The following CDIP1 variants were observed in gnomAD, a reference collection of about 807,000 sequenced individuals.
The protein encoded by CDIP1 is cell death inducing p53 target 1, also known as cell death-inducing p53-target protein 1.
Under a neutral mutation model 17.7 loss-of-function variants are expected in CDIP1, and 9 were observed. That is an observed-to-expected ratio of 0.51 (90% CI 0.31 to 0.89). The LOEUF (loss-of-function observed/expected upper bound fraction) is 0.89, where lower values mean the gene tolerates loss of function less well. Among genes scored for constraint, CDIP1 ranks in the 40% least tolerant of loss-of-function variants. CDIP1 has a pLI of 0.05. For synonymous variants in CDIP1, 117 were observed against 109.5 expected (o/e 1.07, Z -0.43); for missense variants, 263 against 277.9 (o/e 0.95, Z 0.38).
chr16:4,517,090 C>T (rs1480392756), intron 1 of CDIP1, among the ~76,000 whole-genome samples: 2 of 152,110 alleles, frequency 1.3e-5, no homozygotes, highest in Non-Finnish European at 2.9e-5. Flanking sequence ...CCTCTGTCCA[C>T]CGCTCTTTCC....
intron 1 of CDIP1, among the ~76,000 whole-genome samples, chr16:4,524,734 T>A (rs2058982538): frequency 6.6e-6 from 1 of 152,214 alleles, no homozygotes; most frequent in Non-Finnish European, 1.5e-5. Context: ...ATCTTCCACA[T>A]GAGTAATAAA....
intron 1 of CDIP1, among the ~76,000 whole-genome samples, chr16:4,537,191 C>CA (rs1365526094): frequency 2.6e-5 from 4 of 152,044 alleles, no homozygotes; most frequent in Non-Finnish European, 4.4e-5. Context: ...TACTTTGACA[C>CA]AAAAAACAAG....
At chr16:4,526,525 C>G (rs1019471213) in intron 1 of CDIP1, among the ~76,000 whole-genome samples, 2 of 151,974 alleles carry the variant, frequency 1.3e-5, no homozygotes, top group East Asian at 1.9e-4. Flanking sequence ...TGGTGAAAAC[C>G]TGTCTCTACT....
At chr16:4,516,222 C>T (rs2059385419) in intron 1 of CDIP1, among the ~76,000 whole-genome samples, 1 of 152,104 alleles carries the variant, frequency 6.6e-6, no homozygotes. Flanking sequence ...TAGGCAAACC[C>T]ATAGAAACGG....
In CDIP1 at chr16:4,512,358, C is replaced by G. The variant is rs758926887; in HGVS notation, c.*214G>C. The stretch of plus-strand genomic sequence containing the variant: ...AACACACAAGCTCATTGTCAGCCCC[C>G]TGCCACCCACTGACCCTTGGCCTTA... On this transcript the variant is annotated 3_prime_UTR_variant, in exon 6 of 6. Transcript: ENST00000567695. The surrounding 1 kb of genome is among the most constrained non-coding windows in gnomAD (Gnocchi z 4.6). 6.5e-4 allele frequency: 387 copies of G among 596,398 alleles called. 4 individuals carry two copies. Among genetic ancestry groups the G allele is most frequent in the Non-Finnish European group, 9.9e-4 (329 of 331,634 alleles). 36.9% of individuals were successfully genotyped at this position (596,398 alleles called of 1,614,324 possible). A position where few individuals can be genotyped will look rare whatever the true frequency, so the allele number is the denominator to read the frequency against.
intron 1 of CDIP1, among the ~76,000 whole-genome samples, chr16:4,526,188 C>T (rs139967022): frequency 0.011 from 1,649 of 152,144 alleles, 34 homozygotes; most frequent in African/African-American, 0.038. Context: ...GGGCGGATCA[C>T]GAGGGCAGAA....
chr16:4,520,624 A>AT (rs965344985), intron 1 of CDIP1, among the ~76,000 whole-genome samples: 1 of 152,092 alleles, frequency 6.6e-6, no homozygotes, highest in African/African-American at 2.4e-5. Context: ...AACAATATAT[A>AT]TTTTTTTAAA....
At position 4,513,780 on chromosome 16, in the gene CDIP1, G is replaced by T; in HGVS notation, c.157C>A (p.Pro53Thr). 6.2e-7 allele frequency: 1 copy of T among 1,609,168 alleles called. No homozygotes were observed. The highest frequency in any genetic ancestry group is 1.1e-5 in the South Asian group (1 of 90,776). The stretch of plus-strand genomic sequence containing the variant: ...ATTGGGTGACCCGGCGGCTCATAGG[G>T]TGGGGGGCCAATGTCCGCAGGGGGC... The part of the protein sequence containing the change: ...PLPPADIGPP[P>T]YEPPGHPMPQ... The change falls in exon 4 of 6, where the codon CCC (proline) becomes ACC (threonine). Residue 53 changes from proline to threonine, a missense_variant. Physicochemically the swap from Pro to Thr is conservative, Grantham distance 38 (BLOSUM62 -1). Transcript: ENST00000567695. The surrounding 1 kb of genome is among the most constrained non-coding windows in gnomAD (Gnocchi z 4.1).
At chr16:4,517,793 G>A (rs552349235) in intron 1 of CDIP1, among the ~76,000 whole-genome samples, 2 of 152,056 alleles carry the variant, frequency 1.3e-5, no homozygotes, top group East Asian at 3.9e-4. Flanking sequence ...TGCCTCTTGG[G>A]GCTGGTCCTG....
intron 1 of CDIP1, among the ~76,000 whole-genome samples, chr16:4,522,123 G>C (rs1288782399): frequency 6.6e-6 from 1 of 152,184 alleles, no homozygotes; most frequent in Non-Finnish European, 1.5e-5. Flanking sequence ...CCCTCCCTAA[G>C]AACTCAGCTC....
rs1260031403 is a variant in CDIP1, at chr16:4,513,258, C to A, written c.242-194G>T. The stretch of plus-strand genomic sequence containing the variant: ...CTAAGTCAAGTGGGGCCACATTCTC[C>A]CAGCCCTTCCTGGTCCCCACCCCTT... On this transcript the variant is annotated intron_variant, in intron 4 of 5. Transcript: ENST00000567695. The surrounding 1 kb of genome is among the most constrained non-coding windows in gnomAD (Gnocchi z 4.1). Among the ~76,000 whole-genome samples, 1 of 152,188 alleles carries A rather than the reference C, an allele frequency of 6.6e-6. No individual in the cohort carries two copies.
In CDIP1 at chr16:4,523,642, C is replaced by G. The variant is rs117024333; in HGVS notation, c.-104-8978G>C. ...CAATTACATCTGTGACCAGTGGTATCGAGAAAGTCCAGGGCACAGTAGAAG... is the reference window on the plus strand; with the variant it reads ...CAATTACATCTGTGACCAGTGGTATGGAGAAAGTCCAGGGCACAGTAGAAG... On this transcript the variant is annotated intron_variant, in intron 1 of 5. Coordinates refer to ENST00000567695, the MANE Select transcript of CDIP1 (RefSeq NM_013399.3). Among the ~76,000 whole-genome samples the G allele has an allele frequency of 7.4e-3, 1,126 of 152,296 alleles. 6 individuals are homozygous for G. The highest frequency in any genetic ancestry group is 0.011 in the Non-Finnish European group (745 of 68,038).
intron 1 of CDIP1, among the ~76,000 whole-genome samples, chr16:4,530,571 C>T (rs2059045112): frequency 6.6e-6 from 1 of 152,102 alleles, no homozygotes; most frequent in Non-Finnish European, 1.5e-5. Flanking sequence ...ATCACTTGAA[C>T]CCACGAGGTG....
rs768261813 is a variant in CDIP1, at chr16:4,512,944, G to C, written c.362C>G (p.Ala121Gly). The C allele has an allele frequency of 6.3e-7, 1 of 1,584,464 alleles. No homozygotes were observed. The highest frequency in any genetic ancestry group is 1.2e-5 in the South Asian group (1 of 86,884). Residue 121 changes from alanine (A) to glycine (G), a missense_variant, in exon 5 of 6, where the codon GCT becomes GGT. Ala to Gly is a moderately conservative substitution (Grantham distance 60, BLOSUM62 0). Transcript: ENST00000567695. This position sits in a 1 kb window ranked among gnomAD's most constrained non-coding sequence, Gnocchi z 4.6. ...CTGCAGCACTGTCACCGTGGTGGCA[G>C]CTCCTGAAGGGACCAGGACTGTGGC... ...HTATVLVPSG[A>G]ATTVTVLQGE...
Position 4,512,785 on chromosome 16 carries a change from A to G in CDIP1, c.515+6T>C. The G allele has an allele frequency of 6.3e-7, 1 of 1,586,808 alleles. No individual in the cohort carries two copies. The highest frequency in any genetic ancestry group is 8.6e-7 in the Non-Finnish European group (1 of 1,166,288). ...CCCCCACCCTACCAGTGCCCACACC[A>G]CCTACCCCATGAAGCAACAGAAGAA... On this transcript the variant is annotated splice_donor_region_variant and intron_variant, in intron 5 of 5. Coordinates refer to ENST00000567695, the MANE Select transcript of CDIP1 (RefSeq NM_013399.3). The surrounding 1 kb of genome is among the most constrained non-coding windows in gnomAD (Gnocchi z 4.6).
rs2058832140 is a variant in CDIP1 at position 4,511,739 on chromosome 16, T to C, written c.*833A>G. On this transcript the variant is annotated 3_prime_UTR_variant, in exon 6 of 6. Transcript: ENST00000567695. ...TACACCAGCCACCAGGCAGAGGTCA[T>C]ACCCACACGCAGTGAGGACACAGGG... The C allele has an allele frequency of 6.6e-6, 1 of 152,520 alleles. No individual in the cohort carries two copies. Among genetic ancestry groups the C allele is most frequent in the South Asian group, 2.1e-4 (1 of 4,834 alleles). 9.4% of individuals were successfully genotyped at this position (152,520 alleles called of 1,614,324 possible). A position where few individuals can be genotyped will look rare whatever the true frequency, so the allele number is the denominator to read the frequency against.
intron 1 of CDIP1, among the ~76,000 whole-genome samples, chr16:4,519,851 G>T (rs748815693): frequency 4.6e-5 from 7 of 152,028 alleles, no homozygotes; most frequent in Non-Finnish European, 1.0e-4. Flanking sequence ...CTTCCACCAT[G>T]AATGGAAGCA....
intron 1 of CDIP1, among the ~76,000 whole-genome samples, chr16:4,523,537 C>G (rs969171285): frequency 2.0e-5 from 3 of 152,000 alleles, no homozygotes; most frequent in African/African-American, 7.2e-5. Context: ...AAAGACATGT[C>G]CCTGCCTTCC....
intron 1 of CDIP1, chr16:4,536,557 T>C (rs2059107965): frequency 6.6e-6 from 1 of 152,112 alleles, no homozygotes; most frequent in African/African-American, 2.4e-5. Context: ...CTCAAAACAA[T>C]TTTGTTCCCT....
Sources: allele counts gnomAD v4.1 joint callset (sites outside exome capture counted in the v4.1 genomes callset), GRCh38; gene constraint gnomAD v4.1.1; non-coding constraint Gnocchi (gnomAD v3.1); transcripts MANE v1.5; gene names NCBI Gene and HGNC (gene_info 2026-07-23, HGNC 2026-07-21).